CDC42SE2: variants seen among roughly 807,000 people sequenced by gnomAD.
The protein encoded by CDC42SE2 is CDC42 small effector 2, also known as CDC42 small effector protein 2.
CDC42SE2 carries 3 observed loss-of-function variants against 11.5 expected under a neutral mutation model. The ratio of observed to expected loss-of-function variants is 0.26; its 90% CI spans 0.12 to 0.67. The LOEUF is 0.67. Among genes scored for constraint, CDC42SE2 ranks in the 30% least tolerant of loss-of-function variants. The pLI, the probability that CDC42SE2 is intolerant of heterozygous loss-of-function variation, is 0.80. For missense variants in CDC42SE2, 82 were observed against 106.8 expected (o/e 0.77, Z 1.02); for synonymous variants, 33 against 34.8 (o/e 0.95, Z 0.18).
At chr5:131,331,367 A>G (rs73249242) in intron 2 of CDC42SE2, among the ~76,000 whole-genome samples, 1,748 of 152,330 alleles carry the variant, frequency 0.011, 38 homozygotes, top group African/African-American at 0.036. Flanking sequence ...CAACATAATT[A>G]TAATTTAAAA....
the CDC42SE2 span, among the ~76,000 whole-genome samples, chr5:131,233,072 A>C: frequency 1.3e-5 from 2 of 151,992 alleles, no homozygotes; most frequent in African/African-American, 2.4e-5. Context: ...TATCCCACCA[A>C]AGGTAATGTG....
chr5:131,222,999 A>G, the CDC42SE2 span, among the ~76,000 whole-genome samples: 1 of 152,212 alleles, frequency 6.6e-6, no homozygotes. Context: ...AGCTAATGTA[A>G]TTAAATCATT....
At chr5:131,289,308 G>A (rs559729155) in intron 1 of CDC42SE2, among the ~76,000 whole-genome samples, 1 of 152,198 alleles carries the variant, frequency 6.6e-6, no homozygotes, top group East Asian at 1.9e-4. Context: ...GAAACACATC[G>A]GTACCTGCAC....
At chr5:131,352,221 T>C (rs1229103399) in intron 2 of CDC42SE2, among the ~76,000 whole-genome samples, 1 of 152,206 alleles carries the variant, frequency 6.6e-6, no homozygotes, top group Non-Finnish European at 1.5e-5. Flanking sequence ...GGGTAGTTTC[T>C]TAATAAAGTT....
At chr5:131,381,227 C>T (rs1472211865) in intron 3 of CDC42SE2, among the ~76,000 whole-genome samples, 1 of 152,158 alleles carries the variant, frequency 6.6e-6, no homozygotes, top group African/African-American at 2.4e-5. Flanking sequence ...GTGAATTGCA[C>T]ACTCTCTGCT....
chr5:131,228,031 A>C, the CDC42SE2 span, among the ~76,000 whole-genome samples: 2 of 152,128 alleles, frequency 1.3e-5, no homozygotes, highest in Admixed American at 1.3e-4. Context: ...CCTTGGCGAA[A>C]CTCCATCTCT....
chr5:131,287,182 AC>A (rs1757358596), intron 1 of CDC42SE2, among the ~76,000 whole-genome samples: 1 of 151,318 alleles, frequency 6.6e-6, no homozygotes, highest in African/African-American at 2.4e-5. Context: ...TTTAGTAGAG[AC>A]TGGGTTTCAC....
At chr5:131,311,563 A>G (rs1276963380) in intron 1 of CDC42SE2, among the ~76,000 whole-genome samples, 1 of 152,100 alleles carries the variant, frequency 6.6e-6, no homozygotes, top group African/African-American at 2.4e-5. Flanking sequence ...CATTCTCCCC[A>G]TCACTTTCAG....
chr5:131,224,825 G>A, the CDC42SE2 span, among the ~76,000 whole-genome samples: 1 of 151,592 alleles, frequency 6.6e-6, no homozygotes, highest in Non-Finnish European at 1.5e-5. Flanking sequence ...GCAGATGCAG[G>A]AGCCAAAGCA....
At chr5:131,316,794 C>T (rs535239673) in intron 2 of CDC42SE2, among the ~76,000 whole-genome samples, 1 of 152,156 alleles carries the variant, frequency 6.6e-6, no homozygotes, top group Non-Finnish European at 1.5e-5. Flanking sequence ...TATAGCCTCT[C>T]TATCTGAATT....
At chr5:131,308,310 GT>G (rs1432222054) in intron 1 of CDC42SE2, among the ~76,000 whole-genome samples, 1 of 151,972 alleles carries the variant, frequency 6.6e-6, no homozygotes, top group East Asian at 1.9e-4. Flanking sequence ...CTATATCTCT[GT>G]TTTGGTACCA....
intron 1 of CDC42SE2, among the ~76,000 whole-genome samples, chr5:131,277,515 T>C (rs188238943): frequency 6.6e-6 from 1 of 152,332 alleles, no homozygotes; most frequent in East Asian, 1.9e-4. Flanking sequence ...GAATAAGATA[T>C]AAACTGTACT....
chr5:131,345,930 T>G (rs1409620575), intron 2 of CDC42SE2, among the ~76,000 whole-genome samples: 1 of 152,120 alleles, frequency 6.6e-6, no homozygotes, highest in Admixed American at 6.6e-5. Flanking sequence ...AATAAAATCC[T>G]TTACAGACAA....
At chr5:131,292,266 GATA>G (rs1269500031) in intron 1 of CDC42SE2, among the ~76,000 whole-genome samples, 1 of 100,468 alleles carries the variant, frequency 1.0e-5, no homozygotes, top group Non-Finnish European at 1.9e-5. Flanking sequence ...AAAAAAAAAA[GATA>G]ATAATAATAT....
intron 1 of CDC42SE2, among the ~76,000 whole-genome samples, chr5:131,283,424 T>C (rs998618871): frequency 6.6e-6 from 1 of 152,202 alleles, no homozygotes; most frequent in African/African-American, 2.4e-5. Context: ...TATGTGACCT[T>C]TTGTGTCTGG....
chr5:131,305,545 C>T (rs964790289), intron 1 of CDC42SE2, among the ~76,000 whole-genome samples: 1 of 152,150 alleles, frequency 6.6e-6, no homozygotes, highest in Non-Finnish European at 1.5e-5. Flanking sequence ...TGAGATTCAT[C>T]TGTTTATTGT....
At chr5:131,361,661 G>T (rs1298206094) in intron 3 of CDC42SE2, among the ~76,000 whole-genome samples, 1 of 152,202 alleles carries the variant, frequency 6.6e-6, no homozygotes, top group Non-Finnish European at 1.5e-5. Flanking sequence ...TGTGCTAGAA[G>T]AATTGGATCA....
the CDC42SE2 span, among the ~76,000 whole-genome samples, chr5:131,216,179 A>C: frequency 6.6e-6 from 1 of 152,158 alleles, no homozygotes; most frequent in South Asian, 2.1e-4. Flanking sequence ...CCTTAAAATA[A>C]AAGTCATAGT....
chr5:131,239,336 C>T, the CDC42SE2 span, among the ~76,000 whole-genome samples: 1 of 151,458 alleles, frequency 6.6e-6, no homozygotes, highest in Non-Finnish European at 1.5e-5. Context: ...ACTCAGGAGG[C>T]TAAGATGGGA....
Sources: gnomAD v4.1 joint callset for allele counts (sites outside exome capture counted in the v4.1 genomes callset) on GRCh38, gnomAD v4.1.1 for gene constraint, MANE v1.5 for transcripts, NCBI Gene and HGNC (gene_info 2026-07-23, HGNC 2026-07-21) for gene names.